Variants in LRP1B observed in about 807,000 individuals in gnomAD.
LRP1B encodes LDL receptor related protein 1B, also known as low-density lipoprotein receptor-related protein 1B.
A neutral mutation model predicts 556.6 loss-of-function variants in LRP1B; 217 were observed. That is an observed-to-expected ratio of 0.39 (90% CI 0.35 to 0.44). The LOEUF (loss-of-function observed/expected upper bound fraction) is 0.44. Ranked by LOEUF, LRP1B falls within the 20% of genes least tolerant of loss-of-function variation. The pLI is 1.00. For missense variants in LRP1B, 5,053 were observed against 5,620.8 expected, an observed-to-expected ratio of 0.90 and a Z score of 3.23; for synonymous variants, 2,047 against 1,865.8, an observed-to-expected ratio of 1.10 and a Z score of -2.50.
chr2:141,708,525 T>C lies in LRP1B; in HGVS notation c.205+101754A>G, dbSNP rs528029731. On this transcript the variant is annotated intron_variant, in intron 2 of 90. Transcript: ENST00000389484. ...ATTTTTAAATAATTAATACAAATAA[T>C]AAAAGATGCAGTTTTTGGACCACTT... 3.3e-5 allele frequency among the ~76,000 whole-genome samples: 5 copies of C among 152,256 alleles called. No homozygotes were observed. In the East Asian group the frequency reaches 9.7e-4, roughly 29 times the overall value.
intron 20 of LRP1B, among the ~76,000 whole-genome samples, chr2:140,946,023 G>T (rs1388897032): frequency 6.6e-6 from 1 of 151,962 alleles, no homozygotes; most frequent in Non-Finnish European, 1.5e-5. Context: ...AAAAAAACAA[G>T]TTCATCAGAA....
intron 3 of LRP1B, among the ~76,000 whole-genome samples, chr2:141,294,408 TTAAG>T (rs72048484): frequency 0.15 from 22,377 of 151,988 alleles, 1,732 homozygotes; most frequent in South Asian, 0.26. Context: ...ATGAAATATC[TTAAG>T]TAACTAAACT....
intron 31 of LRP1B, among the ~76,000 whole-genome samples, chr2:140,834,133 G>T (rs62173623): frequency 0.46 from 70,653 of 152,052 alleles, 18,081 homozygotes; most frequent in Non-Finnish European, 0.57. Flanking sequence ...GTTCTAACCA[G>T]TCTGAAATTT....
chr2:141,863,483 G>C (rs1156610754), intron 1 of LRP1B, among the ~76,000 whole-genome samples: 2 of 152,198 alleles, frequency 1.3e-5, no homozygotes, highest in African/African-American at 4.8e-5. Context: ...GCTGAGATCA[G>C]CTGAATCTAG....
intron 3 of LRP1B, among the ~76,000 whole-genome samples, chr2:141,446,496 T>A (rs62168031): frequency 0.021 from 3,184 of 152,292 alleles, 70 homozygotes; most frequent in East Asian, 0.092. Context: ...TGCAGTTTCT[T>A]CATAGAGTCA....
At chr2:141,794,791 A>C (rs1353763454) in intron 2 of LRP1B, among the ~76,000 whole-genome samples, 1 of 152,202 alleles carries the variant, frequency 6.6e-6, no homozygotes, top group African/African-American at 2.4e-5. Flanking sequence ...CCAAAGTCAA[A>C]AGAATAATTC....
intron 67 of LRP1B, among the ~76,000 whole-genome samples, chr2:140,381,446 A>T (rs184250831): frequency 3.9e-5 from 6 of 152,162 alleles, no homozygotes; most frequent in Non-Finnish European, 7.3e-5. Context: ...GGAACTCTAC[A>T]CGGGAACAAT....
intron 2 of LRP1B, among the ~76,000 whole-genome samples, chr2:141,522,234 A>C (rs28397978): frequency 0.036 from 5,542 of 152,184 alleles, 350 homozygotes; most frequent in African/African-American, 0.13. Context: ...TTGCACACTC[A>C]AGTCTGAGAA....
At chr2:140,977,096 T>C (rs1041687636) in intron 18 of LRP1B, among the ~76,000 whole-genome samples, 1 of 152,294 alleles carries the variant, frequency 6.6e-6, no homozygotes, top group East Asian at 1.9e-4. Flanking sequence ...AATTTGAGGA[T>C]GGTGATATGG....
intron 82 of LRP1B, among the ~76,000 whole-genome samples, chr2:140,317,539 G>C (rs900897604): frequency 6.6e-6 from 1 of 152,098 alleles, no homozygotes; most frequent in Non-Finnish European, 1.5e-5. Flanking sequence ...AGATGCCCTT[G>C]CAAATGTAAG....
intron 18 of LRP1B, among the ~76,000 whole-genome samples, chr2:140,981,489 A>G (rs980227263): frequency 2.0e-4 from 31 of 152,136 alleles, no homozygotes; most frequent in African/African-American, 7.5e-4. Flanking sequence ...GTGTTTCAGT[A>G]GACATTATTG....
At chr2:141,769,946 T>C (rs1204580560) in intron 2 of LRP1B, among the ~76,000 whole-genome samples, 1 of 152,200 alleles carries the variant, frequency 6.6e-6, no homozygotes. Flanking sequence ...CAGAGACTTA[T>C]TGGCAAAATG....
At chr2:140,266,368 T>C (rs1035706876) in intron 86 of LRP1B, among the ~76,000 whole-genome samples, 2 of 152,082 alleles carry the variant, frequency 1.3e-5, no homozygotes, top group African/African-American at 4.8e-5. Flanking sequence ...CTTTGATTTG[T>C]AGGAATCTAC....
intron 7 of LRP1B, among the ~76,000 whole-genome samples, chr2:141,169,307 TAAA>T (rs1680395804): frequency 6.8e-6 from 1 of 146,868 alleles, no homozygotes; most frequent in Non-Finnish European, 1.5e-5. Context: ...AATAAATAAA[TAAA>T]TAAATAAATA....
At chr2:141,839,916 C>T (rs1002940507) in intron 1 of LRP1B, among the ~76,000 whole-genome samples, 1 of 152,062 alleles carries the variant, frequency 6.6e-6, no homozygotes, top group African/African-American at 2.4e-5. Context: ...TTTAGTATTA[C>T]AATAATCCAC....
rs190271976 is a variant in LRP1B at position 142,013,236 on chromosome 2, C to T, written c.82+117412G>A. Reference sequence around the variant, plus strand: ...TAGGACTGGAATAAGACTGGAAAGACGGAAAGCGGGATGGGAAGGGTGTAA... The same window carrying T: ...TAGGACTGGAATAAGACTGGAAAGATGGAAAGCGGGATGGGAAGGGTGTAA... On this transcript the variant is annotated intron_variant, in intron 1 of 90. Transcript: ENST00000389484. 1.4e-4 allele frequency among the ~76,000 whole-genome samples: 21 copies of T among 151,820 alleles called. No individual in the cohort carries two copies. The East Asian group carries it at 1.5e-3, about 11-fold the overall frequency.
chr2:140,436,989 C>T (rs1168995219), intron 66 of LRP1B, among the ~76,000 whole-genome samples: 1 of 152,088 alleles, frequency 6.6e-6, no homozygotes, highest in Non-Finnish European at 1.5e-5. Context: ...AGGCAGTATT[C>T]CTGGCTCCTC....
At chr2:141,732,559 T>A (rs1468969982) in intron 2 of LRP1B, among the ~76,000 whole-genome samples, 2 of 152,098 alleles carry the variant, frequency 1.3e-5, no homozygotes, top group Non-Finnish European at 2.9e-5. Context: ...GTTTTATATT[T>A]AGTTCAAGTA....
At chr2:140,807,683 TA>T (rs112727907) in intron 32 of LRP1B, among the ~76,000 whole-genome samples, 53 of 151,844 alleles carry the variant, frequency 3.5e-4, no homozygotes, top group African/African-American at 9.7e-4. Context: ...GAAAATTCCA[TA>T]AAAAAAATTT....
Sources: gnomAD v4.1 joint callset for allele counts (sites outside exome capture counted in the v4.1 genomes callset) on GRCh38, gnomAD v4.1.1 for gene constraint, MANE v1.5 for transcripts, NCBI Gene and HGNC (gene_info 2026-07-23, HGNC 2026-07-21) for gene names.